MADD: variants seen among roughly 807,000 people sequenced by gnomAD.
MADD encodes the protein MAP kinase-activating death domain protein.
A neutral mutation model predicts 176.7 loss-of-function variants in MADD; 109 were observed. The ratio of observed to expected loss-of-function variants is 0.62; its 90% CI spans 0.53 to 0.72. The LOEUF (loss-of-function observed/expected upper bound fraction) is 0.72, where lower values mean the gene tolerates loss of function less well. Among genes scored for constraint, MADD ranks in the 30% least tolerant of loss-of-function variants. The pLI is 0.00. For missense variants in MADD, 1,914 were observed against 2,045.5 expected (o/e 0.94, Z 1.24); for synonymous variants, 771 against 771.3 (o/e 1.00, Z 0.01).
At position 47,325,516 on chromosome 11, in the gene MADD, C is replaced by T. The variant is rs1208053598; in HGVS notation, c.4542+939C>T. On this transcript the variant is annotated intron_variant, in intron 30 of 32. Coordinates refer to ENST00000402192, the Ensembl canonical transcript of MADD. This position sits in a 1 kb window ranked among gnomAD's most constrained non-coding sequence, Gnocchi z 4.5. ...TGGCTGTCTCCCTCCCTCCGCTAGC[C>T]GTTGTAGCTCTCTTTCAGGAACGTA... Among the ~76,000 whole-genome samples the T allele has an allele frequency of 2.6e-5, 4 of 152,298 alleles. No homozygotes were observed. Among genetic ancestry groups the T allele is most frequent in the South Asian group, 2.1e-4 (1 of 4,822 alleles).
At chr11:47,323,428 G>A (rs1015626696) in intron 27 of MADD, among the ~76,000 whole-genome samples, 2 of 151,700 alleles carry the variant, frequency 1.3e-5, no homozygotes, top group Non-Finnish European at 2.9e-5. Context: ...ATAAATAACT[G>A]ATTGATTTGT....
At chr11:47,290,124 G>T in intron 17 of MADD, 25 bp from the exon 19 acceptor site, 1 of 1,612,902 alleles carries the variant, frequency 6.2e-7, no homozygotes, top group Non-Finnish European at 8.5e-7. Context: ...ATTTGCCAAC[G>T]CTAGCCCCTG....
chr11:47,271,667 C>T (rs908921238), intron 1 of MADD, among the ~76,000 whole-genome samples: 10 of 151,330 alleles, frequency 6.6e-5, no homozygotes, highest in Non-Finnish European at 8.8e-5. Flanking sequence ...AGCTCTGGTT[C>T]TATAAATTCT....
upstream of MADD, chr11:47,269,561 C>T (rs1006042582): frequency 2.0e-5 from 3 of 152,212 alleles, no homozygotes; most frequent in African/African-American, 4.8e-5. Context: ...GCGGGGCTGT[C>T]CTCGCGGACT....
intron 6 of MADD, 71 bp downstream of exon 6, chr11:47,278,349 T>G: frequency 9.1e-7 from 1 of 1,099,890 alleles, no homozygotes; most frequent in Non-Finnish European, 1.4e-6. Flanking sequence ...CTGAGATATC[T>G]GTTTCTAGAT....
intron 27 of MADD, among the ~76,000 whole-genome samples, chr11:47,316,646 C>A (rs1594971426): frequency 6.6e-6 from 1 of 152,148 alleles, no homozygotes. Context: ...GCCTCGGCCT[C>A]CCAAAGTGCT....
At chr11:47,282,179 T>C (rs552046739) in intron 8 of MADD, among the ~76,000 whole-genome samples, 28 of 152,256 alleles carry the variant, frequency 1.8e-4, no homozygotes, top group African/African-American at 6.3e-4. Flanking sequence ...TTGGTTGTTA[T>C]TTTCCACCTT....
chr11:47,276,629 G>A (rs1387677988), intron 4 of MADD, 103 bp from the exon 5 acceptor site: 4 of 1,420,446 alleles, frequency 2.8e-6, no homozygotes, highest in Middle Eastern at 1.9e-4. Flanking sequence ...AGCTGGAGCT[G>A]TAGGCTCGAT....
chr11:47,306,644 T>TG (rs1039197355), intron 22 of MADD, among the ~76,000 whole-genome samples: 1 of 151,156 alleles, frequency 6.6e-6, no homozygotes, highest in Non-Finnish European at 1.5e-5. Flanking sequence ...GGAAGGGGGA[T>TG]GGGGGGGAGG....
chr11:47,324,279 C>G lies in MADD; in HGVS notation c.4377C>G (p.Tyr1459Ter). 6.2e-7 allele frequency: 1 copy of G among 1,614,194 alleles called. No individual in the cohort carries two copies. The highest frequency in any genetic ancestry group is 8.5e-7 in the Non-Finnish European group (1 of 1,180,008). ...CTGTGCCACAGTGTCGGGAGCTGTACTACTGTGTGAAGGACAGCATGGAGC... is the reference window on the plus strand; with the variant it reads ...CTGTGCCACAGTGTCGGGAGCTGTAGTACTGTGTGAAGGACAGCATGGAGC... The change falls in exon 29 of 33, where the codon TAC becomes TAG. Residue 1459 changes from tyrosine (Y) to a stop codon, truncating the protein, a stop_gained. Transcript: ENST00000402192. LOFTEE classifies it high-confidence loss of function.
intron 32 of MADD, 41 bp downstream of exon 36, chr11:47,328,745 G>C: frequency 6.2e-7 from 1 of 1,613,146 alleles, no homozygotes; most frequent in Non-Finnish European, 8.5e-7. Flanking sequence ...CGGTGCGCAG[G>C]GCTCCCTGGG....
At chr11:47,283,645 C>T (rs1384798022) in intron 10 of MADD, among the ~76,000 whole-genome samples, 1 of 152,176 alleles carries the variant, frequency 6.6e-6, no homozygotes, top group Non-Finnish European at 1.5e-5. Context: ...GATCTGGGCT[C>T]ACTGCAACCT....
At chr11:47,281,497 G>A (rs1015007754) in intron 7 of MADD, 78 bp from the exon 8 acceptor site, 13 of 1,195,394 alleles carry the variant, frequency 1.1e-5, no homozygotes, top group African/African-American at 9.2e-5. Context: ...ACCTTAGGAA[G>A]GCCTTTTCCT....
At chr11:47,274,827 G>A in exon 3 of MADD, 4 of 1,614,238 alleles carry the variant, frequency 2.5e-6, no homozygotes, top group Non-Finnish European at 3.4e-6. Context: ...CTAAGGAGAA[G>A]GGGGAAGGTG....
At chr11:47,274,896 C>T (rs774871692) in exon 3 of MADD, 2 of 1,613,878 alleles carry the variant, frequency 1.2e-6, no homozygotes, top group Admixed American at 1.7e-5. Context: ...AAGAGGGTGG[C>T]ACTGAGAGCT....
intron 7 of MADD, among the ~76,000 whole-genome samples, chr11:47,279,674 C>T (rs7944419): frequency 0.19 from 28,311 of 151,814 alleles, 3,510 homozygotes; most frequent in Non-Finnish European, 0.28. Context: ...CCACTGCGCC[C>T]GGCCGATTTT....
intron 25 of MADD, among the ~76,000 whole-genome samples, chr11:47,310,043 T>C (rs1006149440): frequency 2.0e-5 from 3 of 152,042 alleles, no homozygotes; most frequent in Non-Finnish European, 4.4e-5. Context: ...GGTTTCACCA[T>C]GTTGGCCAGG....
intron 27 of MADD, among the ~76,000 whole-genome samples, 177 bp downstream of exon 30, chr11:47,315,504 T>C (rs745387686): frequency 3.9e-4 from 60 of 152,212 alleles, no homozygotes; most frequent in Admixed American, 2.2e-3. Flanking sequence ...AGATAGTGTC[T>C]CGCTCTGTCA....
chr11:47,322,473 A>G (rs1056875031), intron 27 of MADD, among the ~76,000 whole-genome samples: 6 of 152,212 alleles, frequency 3.9e-5, no homozygotes, highest in African/African-American at 1.2e-4. Flanking sequence ...TTAGCCGGGC[A>G]TGGTGGTGGG....
Sources: gnomAD v4.1 joint callset for allele counts (sites outside exome capture counted in the v4.1 genomes callset) on GRCh38, gnomAD v4.1.1 for gene constraint, Gnocchi (gnomAD v3.1) non-coding constraint, MANE v1.5 for transcripts, NCBI Gene and HGNC (gene_info 2026-07-23, HGNC 2026-07-21) for gene names.